OXR1: variants seen among roughly 807,000 people sequenced by gnomAD.
OXR1 encodes the protein oxidation resistance 1.
A neutral mutation model predicts 104.6 loss-of-function variants in OXR1; 41 were observed. The ratio of observed to expected loss-of-function variants is 0.39; its 90% CI spans 0.31 to 0.51. OXR1 has a LOEUF of 0.51. Among genes scored for constraint, OXR1 ranks in the 20% least tolerant of loss-of-function variants. The pLI, the probability that OXR1 is intolerant of heterozygous loss-of-function variation, is 0.77. For synonymous variants in OXR1, 348 were observed against 348.4 expected (o/e 1.00, Z 0.01); for missense variants, 955 against 1,031.9 (o/e 0.93, Z 1.02).
In OXR1 at chr8:106,310,243, T is replaced by TG. The variant is rs1491087368; in HGVS notation, c.-139+39876_-139+39877insG. 4.7e-5 allele frequency among the ~76,000 whole-genome samples: 7 copies of TG among 149,420 alleles called. No homozygotes were observed. In the East Asian group the frequency reaches 7.7e-4, roughly 17 times the overall value. On this transcript the variant is annotated intron_variant, in intron 1 of 16. Transcript: ENST00000517566. ...AGTTCCTGTGACCTTTTTTTTTTTT[T>TG]TGTGAACTCTTTCCTAAGCTCTCTA...
intron 2 of OXR1, chr8:106,448,177 G>A: frequency 1.8e-6 from 2 of 1,125,300 alleles, no homozygotes; most frequent in Admixed American, 2.1e-5. Flanking sequence ...GTGTTTATGG[G>A]ACCAAACAGA....
At chr8:106,574,771 G>C (rs1554596659) in intron 3 of OXR1, among the ~76,000 whole-genome samples, 1 of 152,206 alleles carries the variant, frequency 6.6e-6, no homozygotes, top group Non-Finnish European at 1.5e-5. Context: ...TATGAAAATA[G>C]TGCTTCTAAT....
At position 106,481,258 on chromosome 8, in the gene OXR1, A is replaced by C. The variant is rs185262247; in HGVS notation, c.24-37685A>C. Among the ~76,000 whole-genome samples the C allele has an allele frequency of 2.8e-4, 42 of 152,140 alleles. No homozygotes were observed. In the East Asian group the frequency reaches 5.6e-3, roughly 20 times the overall value. ...GGAGATTGAATGGGAAGGCCTTACC[A>C]TGAAGCTGTATAACATGGTTTTCTG... On this transcript the variant is annotated intron_variant, in intron 2 of 16. Transcript: ENST00000517566.
At chr8:106,525,647 C>T (rs1418707403) in intron 3 of OXR1, among the ~76,000 whole-genome samples, 1 of 152,216 alleles carries the variant, frequency 6.6e-6, no homozygotes, top group Non-Finnish European at 1.5e-5. Context: ...CTTTCCTCGG[C>T]AGGGCTCCTG....
intron 3 of OXR1, among the ~76,000 whole-genome samples, chr8:106,676,885 A>G (rs1026572763): frequency 1.3e-5 from 2 of 152,156 alleles, no homozygotes; most frequent in African/African-American, 2.4e-5. Context: ...TATAATTTTT[A>G]ATTAGTAAAG....
intron 11 of OXR1, among the ~76,000 whole-genome samples, chr8:106,733,519 C>T (rs1834080412): frequency 6.6e-6 from 1 of 152,028 alleles, no homozygotes; most frequent in Admixed American, 6.6e-5. Context: ...TAATTTGATT[C>T]CATATTCTTT....
chr8:106,714,131 A>G (rs1832000418), intron 11 of OXR1, 146 bp downstream of exon 11: 2 of 595,464 alleles, frequency 3.4e-6, no homozygotes, highest in Admixed American at 3.9e-5. Context: ...ATTTGTGGTT[A>G]TTGAATGAAT....
At chr8:106,727,510 T>C (rs1180934299) in intron 11 of OXR1, among the ~76,000 whole-genome samples, 2 of 152,142 alleles carry the variant, frequency 1.3e-5, no homozygotes, top group African/African-American at 4.8e-5. Context: ...CCTGGGCTCC[T>C]GGGCTCAAGT....
At chr8:106,504,728 T>C (rs980462487) in intron 2 of OXR1, among the ~76,000 whole-genome samples, 3 of 152,240 alleles carry the variant, frequency 2.0e-5, no homozygotes, top group African/African-American at 7.2e-5. Context: ...TTGATGATGA[T>C]TGACTAAATA....
In OXR1 at chr8:106,728,149, T is replaced by C. The variant is rs548833097; in HGVS notation, c.1957-9371T>C. Among the ~76,000 whole-genome samples, 5 of 151,042 alleles carry C rather than the reference T, an allele frequency of 3.3e-5. No individual in the cohort carries two copies. The East Asian group carries it at 9.8e-4, about 30-fold the overall frequency. On this transcript the variant is annotated intron_variant, in intron 11 of 16. Transcript: ENST00000517566. ...GGATGAAAAGGATTAGCAGTTCTTTTACCTGCTTTGTAGATTGAGAGCCCT... is the reference window on the plus strand; with the variant it reads ...GGATGAAAAGGATTAGCAGTTCTTTCACCTGCTTTGTAGATTGAGAGCCCT...
At chr8:106,381,279 A>G (rs903510249) in intron 2 of OXR1, among the ~76,000 whole-genome samples, 1 of 152,172 alleles carries the variant, frequency 6.6e-6, no homozygotes. Flanking sequence ...CGTGTGAGAG[A>G]GGAATGGAAA....
In OXR1 at chr8:106,716,481, G is replaced by A. The variant is rs377519509; in HGVS notation, c.1956+2496G>A. On this transcript the variant is annotated intron_variant, in intron 11 of 16. Coordinates refer to ENST00000517566, the MANE Select transcript of OXR1 (RefSeq NM_001198533.2). ...CTACTAAAAATACAAAAAATTAGCCGGGCGCGGTGGTGGGTGCCTGTAGTC... is the reference window on the plus strand; with the variant it reads ...CTACTAAAAATACAAAAAATTAGCCAGGCGCGGTGGTGGGTGCCTGTAGTC... 5.7e-5 allele frequency among the ~76,000 whole-genome samples: 5 copies of A among 87,998 alleles called. 1 individual carries two copies. In the East Asian group the frequency reaches 1.5e-3, roughly 27 times the overall value. 57.7% of individuals were successfully genotyped at this position (87,998 alleles called of 152,430 possible). A position where few individuals can be genotyped will look rare whatever the true frequency, so the allele number is the denominator to read the frequency against.
intron 1 of OXR1, among the ~76,000 whole-genome samples, chr8:106,286,240 A>C (rs1244390312): frequency 1.3e-5 from 2 of 152,004 alleles, no homozygotes; most frequent in African/African-American, 4.8e-5. Context: ...GAAATTAGTC[A>C]AAACAAAACA....
At chr8:106,558,770 G>A (rs1019944009) in intron 3 of OXR1, among the ~76,000 whole-genome samples, 1 of 152,114 alleles carries the variant, frequency 6.6e-6, no homozygotes, top group African/African-American at 2.4e-5. Context: ...GAATCACATA[G>A]GATGTGAGGG....
chr8:106,343,823 C>A lies in OXR1; in HGVS notation c.-138-15653C>A, dbSNP rs190085575. Among the ~76,000 whole-genome samples the A allele has an allele frequency of 5.5e-4, 84 of 152,222 alleles. No homozygotes were observed. The East Asian group carries it at 0.011, about 20-fold the overall frequency. ...TCTCGGGTAGTGCTTCAGTGTTTTG[C>A]ATGTGTTAACTTAATTTTTAAAACA... On this transcript the variant is annotated intron_variant, in intron 1 of 16. Transcript: ENST00000517566.
chr8:106,743,371 G>T (rs1835097351), intron 15 of OXR1, among the ~76,000 whole-genome samples: 1 of 152,184 alleles, frequency 6.6e-6, no homozygotes, highest in African/African-American at 2.4e-5. Context: ...GCCCAGGCTG[G>T]AGTGCAGTGG....
At chr8:106,367,212 C>A (rs1414042582) in intron 2 of OXR1, among the ~76,000 whole-genome samples, 1 of 151,880 alleles carries the variant, frequency 6.6e-6, no homozygotes, top group Admixed American at 6.6e-5. Context: ...CAGGTGCGTG[C>A]CACCATGCCC....
chr8:106,607,479 T>C (rs996118534), intron 3 of OXR1, among the ~76,000 whole-genome samples: 1 of 152,222 alleles, frequency 6.6e-6, no homozygotes, highest in African/African-American at 2.4e-5. Context: ...ATTATCCAAG[T>C]TCAAGGATTG....
intron 3 of OXR1, among the ~76,000 whole-genome samples, chr8:106,589,210 G>C (rs1243596906): frequency 6.6e-6 from 1 of 152,294 alleles, no homozygotes; most frequent in African/African-American, 2.4e-5. Context: ...GGCAGATGTG[G>C]GTTGTAAAAT....
Sources: allele counts gnomAD v4.1 joint callset (sites outside exome capture counted in the v4.1 genomes callset), GRCh38; gene constraint gnomAD v4.1.1; transcripts MANE v1.5; gene names NCBI Gene and HGNC (gene_info 2026-07-23, HGNC 2026-07-21).